The following TAF2 variants were observed in gnomAD, a reference collection of about 807,000 sequenced individuals.
TAF2 encodes transcription initiation factor TFIID subunit 2.
TAF2 carries 61 observed loss-of-function variants against 138.5 expected under a neutral mutation model. The observed-to-expected ratio is 0.44, with a 90% confidence interval of 0.36 to 0.54. TAF2 has a LOEUF of 0.54. Ranked by LOEUF, TAF2 falls within the 20% of genes least tolerant of loss-of-function variation. TAF2 has a pLI of 0.00. For missense variants in TAF2, 1,090 were observed against 1,427.9 expected, an observed-to-expected ratio of 0.76 and a Z score of 3.81; for synonymous variants, 475 against 469.9, an observed-to-expected ratio of 1.01 and a Z score of -0.14.
chr8:119,779,247 A>AAG (rs1702038416), intron 17 of TAF2, among the ~76,000 whole-genome samples: 1 of 64,120 alleles, frequency 1.6e-5, no homozygotes, highest in Admixed American at 2.0e-4. Flanking sequence ...AACACAACCT[A>AAG]AGACACACAC....
chr8:119,781,911 C>CT (rs1210613134), intron 16 of TAF2, among the ~76,000 whole-genome samples: 1 of 152,110 alleles, frequency 6.6e-6, no homozygotes, highest in Non-Finnish European at 1.5e-5. Flanking sequence ...TGGTCTTGAA[C>CT]TATTGACCTC....
At chr8:119,807,055 C>T (rs988181793) in intron 3 of TAF2, among the ~76,000 whole-genome samples, 1 of 152,142 alleles carries the variant, frequency 6.6e-6, no homozygotes, top group African/African-American at 2.4e-5. Context: ...TATTCCCTAT[C>T]AATGTGGCAA....
chr8:119,780,978 A>G (rs1822607984), intron 17 of TAF2, 75 bp downstream of exon 17: 3 of 1,402,110 alleles, frequency 2.1e-6, no homozygotes, highest in South Asian at 2.6e-5. Context: ...AAGTAAACAC[A>G]TCTATTATTT....
intron 2 of TAF2, among the ~76,000 whole-genome samples, chr8:119,828,938 T>C (rs1460629059): frequency 1.3e-5 from 2 of 152,292 alleles, no homozygotes; most frequent in African/African-American, 4.8e-5. Context: ...ACAGTCAATA[T>C]GTAAATAAAT....
rs1005973968 is a variant in TAF2 at position 119,731,074 on chromosome 8, T to C, written c.*850A>G. 1 of 152,206 alleles carries C rather than the reference T, an allele frequency of 6.6e-6. No individual in the cohort carries two copies. The highest frequency in any genetic ancestry group is 1.5e-5 in the Non-Finnish European group (1 of 68,038). The allele number at this position is 152,206 out of a possible 1,614,324, so 9.4% of individuals were successfully genotyped here. A position where few individuals can be genotyped will look rare whatever the true frequency, so the allele number is the denominator to read the frequency against. On this transcript the variant is annotated 3_prime_UTR_variant, in exon 26 of 26. Coordinates refer to ENST00000378164, the MANE Select transcript of TAF2 (RefSeq NM_003184.4). Reference sequence around the variant, plus strand: ...TAAGCTCACCTTTTTAAAGGTATCATACTTTGTGTCATATAGAAATAATTT... The same window carrying C: ...TAAGCTCACCTTTTTAAAGGTATCACACTTTGTGTCATATAGAAATAATTT...
intron 2 of TAF2, among the ~76,000 whole-genome samples, chr8:119,827,795 G>A (rs1409543898): frequency 6.6e-6 from 1 of 150,830 alleles, no homozygotes; most frequent in African/African-American, 2.4e-5. Flanking sequence ...CCAGGCTGGA[G>A]TGCAGTGGCA....
At chr8:119,796,902 T>C in intron 8 of TAF2, 88 bp downstream of exon 8, 2 of 915,900 alleles carry the variant, frequency 2.2e-6, no homozygotes, top group Admixed American at 1.8e-5. Flanking sequence ...TATCTGCAAT[T>C]AGGGCAAAGG....
At chr8:119,738,671 G>T (rs1819392974) in intron 25 of TAF2, among the ~76,000 whole-genome samples, 1 of 152,136 alleles carries the variant, frequency 6.6e-6, no homozygotes, top group African/African-American at 2.4e-5. Context: ...AGGGTTACCT[G>T]CAGTCAAGTT....
At chr8:119,765,823 C>T (rs941027718) in intron 18 of TAF2, among the ~76,000 whole-genome samples, 8 of 152,086 alleles carry the variant, frequency 5.3e-5, no homozygotes, top group Non-Finnish European at 1.2e-4. Flanking sequence ...CCTCTAAGTG[C>T]CTTACATATA....
At chr8:119,756,815 T>C (rs533767903) in intron 21 of TAF2, among the ~76,000 whole-genome samples, 1 of 152,064 alleles carries the variant, frequency 6.6e-6, no homozygotes, top group Non-Finnish European at 1.5e-5. Context: ...GAAAACAAAA[T>C]TTGGAAAAGA....
At chr8:119,777,790 C>T (rs755853896) in intron 18 of TAF2, among the ~76,000 whole-genome samples, 10 of 152,284 alleles carry the variant, frequency 6.6e-5, no homozygotes, top group South Asian at 2.1e-4. Context: ...GTTTGAAGAA[C>T]ATTTAAAAAC....
chr8:119,815,569 C>A (rs1004519201), intron 3 of TAF2, among the ~76,000 whole-genome samples: 1 of 151,624 alleles, frequency 6.6e-6, no homozygotes, highest in Admixed American at 6.6e-5. Flanking sequence ...GCCACTGCAC[C>A]CGGCCGAGAC....
Position 119,746,779 on chromosome 8 carries a change from C to G in TAF2, c.3034G>C (p.Glu1012Gln). ...KAVLNPTIIPESVAGNQEAAN... is the reference protein window; with the variant it reads ...KAVLNPTIIPQSVAGNQEAAN... ...GCTTCTTGGTTGCCTGCTACTGACT[C>G]TGGAATTATGGTAGGATTCAAGACA... The change falls in exon 23 of 26, where the codon GAG (glutamate) becomes CAG (glutamine). Residue 1012 changes from glutamate to glutamine, a missense_variant. Coordinates refer to ENST00000378164, the MANE Select transcript of TAF2 (RefSeq NM_003184.4). The G allele has an allele frequency of 6.2e-7, 1 of 1,614,140 alleles. No homozygotes were observed. The highest frequency in any genetic ancestry group is 8.5e-7 in the Non-Finnish European group (1 of 1,180,014).
chr8:119,747,559 T>C (rs1820061432), intron 22 of TAF2, among the ~76,000 whole-genome samples: 2 of 152,172 alleles, frequency 1.3e-5, no homozygotes, highest in Non-Finnish European at 2.9e-5. Flanking sequence ...GTCTCAGTTT[T>C]TTCTTCTCCA....
At position 119,803,907 on chromosome 8, in the gene TAF2, A is replaced by G; in HGVS notation, c.531T>C (p.Val177=). The change falls in exon 5 of 26, where the codon GTT becomes GTC. Residue 177 remains valine, a synonymous_variant. Coordinates refer to ENST00000378164, the MANE Select transcript of TAF2 (RefSeq NM_003184.4). ...EGSMAERGAH[V]FSCGYQNSTR... The stretch of plus-strand genomic sequence containing the variant: ...TAGAATTTTGATACCCACAAGAGAA[A>G]ACATGAGCACCTCTCTCTGCCATAC... 6.2e-7 allele frequency: 1 copy of G among 1,613,990 alleles called. No individual in the cohort carries two copies.
chr8:119,784,155 C>T (rs902937609), intron 15 of TAF2, among the ~76,000 whole-genome samples: 4 of 152,128 alleles, frequency 2.6e-5, no homozygotes, highest in Non-Finnish European at 4.4e-5. Context: ...TAGTCTATGT[C>T]GACACCTTCA....
intron 25 of TAF2, among the ~76,000 whole-genome samples, chr8:119,740,659 T>C (rs1480304523): frequency 2.1e-5 from 2 of 96,306 alleles, no homozygotes; most frequent in East Asian, 4.9e-4. Flanking sequence ...AGTGAGACTG[T>C]CTCAAAAAAA....
At chr8:119,735,670 G>C (rs1486818974) in intron 25 of TAF2, among the ~76,000 whole-genome samples, 2 of 152,134 alleles carry the variant, frequency 1.3e-5, no homozygotes, top group East Asian at 3.8e-4. Flanking sequence ...GACAAGTTTG[G>C]AGAACTGTAT....
chr8:119,732,190 C>G lies in TAF2; in HGVS notation c.3338-4G>C. ...TCCAAAGGTGCTTGTTCTTTACCTT[C>G]AAGATTAAAAATACCCAAATGAATT... On this transcript the variant is annotated splice_polypyrimidine_tract_variant and splice_region_variant and intron_variant, in intron 25 of 25. Coordinates refer to ENST00000378164, the MANE Select transcript of TAF2 (RefSeq NM_003184.4). 6.2e-7 allele frequency: 1 copy of G among 1,613,792 alleles called. No homozygotes were observed. The highest frequency in any genetic ancestry group is 8.5e-7 in the Non-Finnish European group (1 of 1,179,778).
Sources: allele counts gnomAD v4.1 joint callset (sites outside exome capture counted in the v4.1 genomes callset), GRCh38; gene constraint gnomAD v4.1.1; transcripts MANE v1.5; gene names NCBI Gene and HGNC (gene_info 2026-07-23, HGNC 2026-07-21).